TANGO6: variants seen among roughly 807,000 people sequenced by gnomAD.
TANGO6 encodes transport and Golgi organization protein 6 homolog.
TANGO6 carries 90 observed loss-of-function variants against 114.2 expected under a neutral mutation model. The ratio of observed to expected loss-of-function variants is 0.79; its 90% CI spans 0.66 to 0.94. The LOEUF (loss-of-function observed/expected upper bound fraction) is 0.94, where lower values mean the gene tolerates loss of function less well. Ranked by LOEUF, TANGO6 falls within the 40% of genes least tolerant of loss-of-function variation. The pLI is 0.00. For synonymous variants in TANGO6, 477 were observed against 509.8 expected (o/e 0.94, Z 0.87); for missense variants, 1,274 against 1,315.3 (o/e 0.97, Z 0.49).
chr16:69,026,725 G>T (rs1157550844), intron 16 of TANGO6: 2 of 151,894 alleles, frequency 1.3e-5, no homozygotes, highest in Admixed American at 1.3e-4. Flanking sequence ...TTGTTTGTTT[G>T]TTTGTGGTGG....
chr16:68,999,628 C>T (rs1202843632), intron 15 of TANGO6, among the ~76,000 whole-genome samples: 1 of 152,094 alleles, frequency 6.6e-6, no homozygotes, highest in African/African-American at 2.4e-5. Flanking sequence ...AAGAAACATG[C>T]TCTATATTTT....
intron 15 of TANGO6, among the ~76,000 whole-genome samples, chr16:69,017,364 G>A (rs1959317758): frequency 6.6e-6 from 1 of 152,122 alleles, no homozygotes; most frequent in Non-Finnish European, 1.5e-5. Context: ...TATTTGATAA[G>A]TTAATATGCC....
At chr16:69,018,139 CTT>C (rs34796579) in intron 15 of TANGO6, among the ~76,000 whole-genome samples, 9 of 77,080 alleles carry the variant, frequency 1.2e-4, no homozygotes, top group Admixed American at 1.8e-4. Flanking sequence ...TTGGAAATCT[CTT>C]TTTTTTTTTT....
At chr16:68,928,194 A>G in intron 13 of TANGO6, 111 bp downstream of exon 13, 2 of 1,325,142 alleles carry the variant, frequency 1.5e-6, no homozygotes, top group Non-Finnish European at 2.0e-6. Flanking sequence ...ACCACCCTCC[A>G]GAAATTTGTG....
At chr16:68,958,279 G>T (rs1050750852) in intron 14 of TANGO6, among the ~76,000 whole-genome samples, 1 of 151,872 alleles carries the variant, frequency 6.6e-6, no homozygotes, top group African/African-American at 2.4e-5. Flanking sequence ...AATCACCTAA[G>T]GTCAGGAGTT....
At chr16:69,009,670 A>G (rs903953491) in intron 15 of TANGO6, among the ~76,000 whole-genome samples, 5 of 152,184 alleles carry the variant, frequency 3.3e-5, no homozygotes, top group Admixed American at 6.5e-5. Flanking sequence ...TTGTCCTTCA[A>G]TTCATGAACA....
intron 17 of TANGO6, among the ~76,000 whole-genome samples, chr16:69,068,590 G>A (rs758338676): frequency 6.6e-6 from 1 of 152,124 alleles, no homozygotes; most frequent in African/African-American, 2.4e-5. Context: ...TCTCTTCCAG[G>A]CCTCAGTGAT....
intron 14 of TANGO6, among the ~76,000 whole-genome samples, chr16:68,962,364 A>G (rs1963601417): frequency 6.6e-6 from 1 of 152,194 alleles, no homozygotes; most frequent in African/African-American, 2.4e-5. Flanking sequence ...TTTCTTAATC[A>G]GGAGGAAAAC....
chr16:68,906,797 T>C (rs1476951022), intron 9 of TANGO6, among the ~76,000 whole-genome samples: 1 of 150,794 alleles, frequency 6.6e-6, no homozygotes, highest in Non-Finnish European at 1.5e-5. Flanking sequence ...TTCTTCTTTT[T>C]TTTTTTTTTT....
At chr16:68,965,820 A>G (rs1330047175) in intron 14 of TANGO6, among the ~76,000 whole-genome samples, 1 of 152,030 alleles carries the variant, frequency 6.6e-6, no homozygotes, top group African/African-American at 2.4e-5. Flanking sequence ...AATAATAATA[A>G]AATTTTTAAA....
At chr16:68,943,602 T>G (rs896385634) in intron 14 of TANGO6, among the ~76,000 whole-genome samples, 96 of 152,024 alleles carry the variant, frequency 6.3e-4, no homozygotes, top group African/African-American at 2.3e-3. Flanking sequence ...CCTTACCTCG[T>G]GATCTGCCCT....
chr16:68,885,568 G>A (rs1292836470), intron 7 of TANGO6: 1 of 152,176 alleles, frequency 6.6e-6, no homozygotes. Context: ...TTTTGTGATT[G>A]GCTTCTTTCA....
intron 14 of TANGO6, among the ~76,000 whole-genome samples, chr16:68,949,068 C>G (rs924115457): frequency 1.3e-5 from 2 of 152,206 alleles, no homozygotes; most frequent in Non-Finnish European, 2.9e-5. Context: ...TGCCTCTAAT[C>G]CCAGCTACCT....
chr16:68,886,338 C>T (rs1477371399), intron 7 of TANGO6, among the ~76,000 whole-genome samples: 1 of 151,920 alleles, frequency 6.6e-6, no homozygotes, highest in African/African-American at 2.4e-5. Context: ...CTACCTCAGC[C>T]TCCCATGTAG....
intron 14 of TANGO6, among the ~76,000 whole-genome samples, chr16:68,944,492 A>G (rs757533956): frequency 1.3e-5 from 2 of 152,122 alleles, no homozygotes; most frequent in African/African-American, 2.4e-5. Flanking sequence ...GTCCTCCCCA[A>G]CAGATGATCT....
At chr16:68,945,561 G>A (rs759250757) in intron 14 of TANGO6, among the ~76,000 whole-genome samples, 4 of 152,102 alleles carry the variant, frequency 2.6e-5, no homozygotes, top group Admixed American at 6.5e-5. Context: ...CACCCTAATG[G>A]GTGTGAAGGG....
chr16:68,867,302 T>C (rs960701761), intron 4 of TANGO6, 82 bp downstream of exon 4: 40 of 1,570,024 alleles, frequency 2.5e-5, no homozygotes, highest in Middle Eastern at 2.1e-4. Flanking sequence ...GTCTTTAGTA[T>C]TTACCTTTAA....
intron 15 of TANGO6, among the ~76,000 whole-genome samples, chr16:68,992,766 A>G (rs1963956262): frequency 6.6e-6 from 1 of 152,110 alleles, no homozygotes; most frequent in Non-Finnish European, 1.5e-5. Flanking sequence ...TTTGTATTCT[A>G]TGTTAAAAAA....
chr16:69,052,692 A>G lies in TANGO6; in HGVS notation c.3108+12271A>G, dbSNP rs1286629813. Among the ~76,000 whole-genome samples the G allele has an allele frequency of 2.6e-5, 4 of 152,162 alleles. No homozygotes were observed. The East Asian group carries it at 7.7e-4, about 29-fold the overall frequency. On this transcript the variant is annotated intron_variant, in intron 17 of 17. Transcript: ENST00000261778. ...AAACAGTCCAGTGGCTTTGGCTTCA[A>G]GTATGGACTCTGGAGCTGGATGTCC...
Sources: allele counts gnomAD v4.1 joint callset (sites outside exome capture counted in the v4.1 genomes callset), GRCh38; gene constraint gnomAD v4.1.1; transcripts MANE v1.5; gene names NCBI Gene and HGNC (gene_info 2026-07-23, HGNC 2026-07-21).